LDB2: variants seen among roughly 807,000 people sequenced by gnomAD.
LDB2 encodes the protein LIM domain-binding protein 2.
In LDB2, 12 loss-of-function variants were observed where a neutral mutation model predicts 44.3. That is an observed-to-expected ratio of 0.27 (90% CI 0.17 to 0.44). The LOEUF (loss-of-function observed/expected upper bound fraction) is 0.44. LDB2 is among the 20% of genes least tolerant of loss of function. The pLI, the probability that LDB2 is intolerant of heterozygous loss-of-function variation, is 1.00. For synonymous variants in LDB2, 164 were observed against 174.8 expected, an observed-to-expected ratio of 0.94 and a Z score of 0.49; for missense variants, 344 against 473.5, an observed-to-expected ratio of 0.73 and a Z score of 2.54.
At chr4:16,766,621 T>C (rs549598813) in intron 1 of LDB2, among the ~76,000 whole-genome samples, 1 of 151,682 alleles carries the variant, frequency 6.6e-6, no homozygotes, top group South Asian at 2.1e-4. Flanking sequence ...TTCTCCTGCC[T>C]CAGCCACGCG....
chr4:16,713,647 AC>A (rs1320479285), intron 2 of LDB2, among the ~76,000 whole-genome samples: 2 of 152,066 alleles, frequency 1.3e-5, no homozygotes, highest in Admixed American at 1.3e-4. Flanking sequence ...GTAGTAGAAA[AC>A]CCTAATGGGG....
intron 1 of LDB2, among the ~76,000 whole-genome samples, chr4:16,797,698 G>A (rs890945491): frequency 2.0e-5 from 3 of 151,846 alleles, no homozygotes; most frequent in Non-Finnish European, 2.9e-5. Flanking sequence ...ACTTTATCCC[G>A]TGAGCCAGAC....
intron 2 of LDB2, among the ~76,000 whole-genome samples, chr4:16,660,398 C>T (rs557133387): frequency 9.2e-5 from 14 of 152,230 alleles, no homozygotes; most frequent in Admixed American, 3.3e-4. Flanking sequence ...GATGGTGATA[C>T]CTGCTCATCT....
intron 2 of LDB2, among the ~76,000 whole-genome samples, chr4:16,627,511 T>C (rs1028628813): frequency 6.6e-6 from 1 of 152,238 alleles, no homozygotes; most frequent in African/African-American, 2.4e-5. Context: ...CATTATTTTT[T>C]GGCTGCTATC....
chr4:16,748,656 G>A (rs1007205384), intron 2 of LDB2, among the ~76,000 whole-genome samples: 1 of 152,178 alleles, frequency 6.6e-6, no homozygotes, highest in African/African-American at 2.4e-5. Context: ...ACATTGGATT[G>A]TAGGGGAGGA....
At chr4:16,793,332 A>G (rs1457752519) in intron 1 of LDB2, among the ~76,000 whole-genome samples, 1 of 152,106 alleles carries the variant, frequency 6.6e-6, no homozygotes, top group Non-Finnish European at 1.5e-5. Context: ...GAGGCTGGTG[A>G]CCTGAATTTT....
chr4:16,802,337 T>C (rs568209454), intron 1 of LDB2, among the ~76,000 whole-genome samples: 5 of 152,318 alleles, frequency 3.3e-5, no homozygotes, highest in African/African-American at 7.2e-5. Context: ...GTTCCTCATA[T>C]GAATGAACAA....
intron 2 of LDB2, among the ~76,000 whole-genome samples, chr4:16,639,293 G>A (rs1434959207): frequency 6.6e-6 from 1 of 152,090 alleles, no homozygotes; most frequent in Non-Finnish European, 1.5e-5. Flanking sequence ...CTAACAATTG[G>A]GTCTATAGAA....
intron 1 of LDB2, among the ~76,000 whole-genome samples, chr4:16,837,852 G>C (rs997223193): frequency 6.6e-6 from 1 of 152,222 alleles, no homozygotes; most frequent in Non-Finnish European, 1.5e-5. Flanking sequence ...TGTTAGGCAG[G>C]AAAGTATCAT....
rs368939019 is a variant in LDB2, at chr4:16,702,098, T to C, written c.235+57060A>G. On this transcript the variant is annotated intron_variant, in intron 2 of 7. Coordinates refer to ENST00000304523, the MANE Select transcript of LDB2 (RefSeq NM_001290.5). ...AAGAGTTCCATAATTCTTGCAACTC[T>C]AGAAATCTATAAATGAGAGGAGGAG... Among the ~76,000 whole-genome samples the C allele has an allele frequency of 7.9e-5, 12 of 152,136 alleles. No homozygotes were observed. The East Asian group carries it at 1.9e-3, about 25-fold the overall frequency.
At chr4:16,879,444 C>A (rs7658358) in intron 1 of LDB2, among the ~76,000 whole-genome samples, 2,322 of 152,318 alleles carry the variant, frequency 0.015, 56 homozygotes, top group African/African-American at 0.053. Context: ...GTAAAGCACA[C>A]AGCCCTCCCC....
intron 2 of LDB2, among the ~76,000 whole-genome samples, chr4:16,611,872 C>T (rs1378424233): frequency 2.0e-5 from 3 of 152,116 alleles, no homozygotes; most frequent in African/African-American, 4.8e-5. Flanking sequence ...ACCTAGTAGG[C>T]GTCTACAGAA....
At chr4:16,619,658 C>T (rs1380404506) in intron 2 of LDB2, among the ~76,000 whole-genome samples, 5 of 143,832 alleles carry the variant, frequency 3.5e-5, no homozygotes, top group Non-Finnish European at 7.7e-5. Context: ...CCTTGATAAC[C>T]AGGGTGATCA....
rs575628878 is a variant in LDB2 at position 16,814,087 on chromosome 4, G to A, written c.133-54827C>T. 5.3e-5 allele frequency among the ~76,000 whole-genome samples: 8 copies of A among 152,176 alleles called. 1 individual carries two copies. The highest frequency in any genetic ancestry group is 1.9e-4 in the African/African-American group (8 of 41,524). ...GGGGTTTCACTTGTTAGCCAGGATGGTCTCGATCTCCTGACCTCGTGATCC... is the reference window on the plus strand; with the variant it reads ...GGGGTTTCACTTGTTAGCCAGGATGATCTCGATCTCCTGACCTCGTGATCC... On this transcript the variant is annotated intron_variant, in intron 1 of 7. Coordinates refer to ENST00000304523, the MANE Select transcript of LDB2 (RefSeq NM_001290.5).
In LDB2 at chr4:16,624,605, A is replaced by G. The variant is rs1432899954; in HGVS notation, c.236-28730T>C. Among the ~76,000 whole-genome samples the G allele has an allele frequency of 3.9e-5, 6 of 152,292 alleles. 1 individual carries two copies. Among genetic ancestry groups the G allele is most frequent in the Non-Finnish European group, 7.4e-5 (5 of 68,026 alleles). ...TGAGGCTTAGACAGCTAAAGATCGC[A>G]CATGTAGAATATCTGACTCCAAAAT... On this transcript the variant is annotated intron_variant, in intron 2 of 7. Coordinates refer to ENST00000304523, the MANE Select transcript of LDB2 (RefSeq NM_001290.5).
At chr4:16,551,129 A>G (rs1003685710) in intron 5 of LDB2, among the ~76,000 whole-genome samples, 2 of 152,242 alleles carry the variant, frequency 1.3e-5, no homozygotes, top group Admixed American at 6.5e-5. Flanking sequence ...AATGGTAATT[A>G]TAAGATTCTG....
At chr4:16,558,784 G>A (rs1049623467) in intron 5 of LDB2, among the ~76,000 whole-genome samples, 1 of 152,100 alleles carries the variant, frequency 6.6e-6, no homozygotes, top group African/African-American at 2.4e-5. Flanking sequence ...TGAAATGAAG[G>A]AAAAAATGTT....
intron 2 of LDB2, among the ~76,000 whole-genome samples, chr4:16,598,051 C>A (rs1721480836): frequency 6.6e-6 from 1 of 152,098 alleles, no homozygotes; most frequent in Non-Finnish European, 1.5e-5. Flanking sequence ...CCATTAGTCA[C>A]AAAGGTTCAT....
chr4:16,764,937 A>G (rs1002324237), intron 1 of LDB2, among the ~76,000 whole-genome samples: 5 of 152,182 alleles, frequency 3.3e-5, no homozygotes, highest in African/African-American at 1.2e-4. Flanking sequence ...GGTGCAGCTG[A>G]TCACTCTTAC....
Sources: allele counts gnomAD v4.1 joint callset (sites outside exome capture counted in the v4.1 genomes callset), GRCh38; gene constraint gnomAD v4.1.1; transcripts MANE v1.5; gene names NCBI Gene and HGNC (gene_info 2026-07-23, HGNC 2026-07-21).